Variants in GRN observed in about 807,000 individuals in gnomAD.
The protein encoded by GRN is granulin precursor, also known as progranulin.
In GRN, 30 loss-of-function variants were observed where a neutral mutation model predicts 66.7. The ratio of observed to expected loss-of-function variants is 0.45; its 90% CI spans 0.34 to 0.61. GRN has a LOEUF of 0.61. Ranked by LOEUF, GRN falls within the 20% of genes least tolerant of loss-of-function variation. The pLI is 0.01. For missense variants in GRN, 731 were observed against 803.5 expected (o/e 0.91, Z 1.09); for synonymous variants, 327 against 311.1 (o/e 1.05, Z -0.54).
Position 44,351,136 on chromosome 17 carries a change from C to T in GRN, c.808C>T (p.Leu270Phe), listed in dbSNP as rs1567887059. 1 of 1,614,142 alleles carries T rather than the reference C, an allele frequency of 6.2e-7. No homozygotes were observed. Among genetic ancestry groups the T allele is most frequent in the Non-Finnish European group, 8.5e-7 (1 of 1,180,008 alleles). ...CTCCAAGGAGAACGCTACCACGGAC[C>T]TCCTCACTAAGCTGCCTGCGCACAC... The part of the protein sequence containing the change: ...CLSKENATTD[L>F]LTKLPAHTVG... Residue 270 changes from leucine to phenylalanine, a missense_variant, in exon 8 of 13, where the codon CTC becomes TTC. Physicochemically the swap from Leu to Phe is conservative, Grantham distance 22. This residue lies in a region of GRN where 370 missense variants were observed against 379.8 expected (regional missense o/e 0.97). Coordinates refer to ENST00000053867, the MANE Select transcript of GRN (RefSeq NM_002087.4).
chr17:44,351,963 C>G, intron 10 of GRN, 52 bp from the exon 11 acceptor site: 2 of 1,512,260 alleles, frequency 1.3e-6, no homozygotes, highest in South Asian at 1.1e-5. Flanking sequence ...GGGCTCGGCA[C>G]TGCGCCCCAC....
chr17:44,350,957 A>T (rs778066666), intron 7 of GRN, 80 bp from the exon 8 acceptor site: 12 of 1,516,144 alleles, frequency 7.9e-6, no homozygotes, highest in Non-Finnish European at 1.1e-5. Context: ...GGATTGGGGC[A>T]GTGCCAGCCA....
intron 10 of GRN, 36 bp downstream of exon 10, chr17:44,351,831 G>A (rs541070759): frequency 3.1e-6 from 5 of 1,605,414 alleles, no homozygotes; most frequent in African/African-American, 2.7e-5. Context: ...GCCTGGGCAG[G>A]TGGGTGGCCA....
intron 4 of GRN, among the ~76,000 whole-genome samples, 183 bp from the exon 5 acceptor site, chr17:44,350,045 T>C (rs2048357070): frequency 6.6e-6 from 1 of 152,074 alleles, no homozygotes; most frequent in Non-Finnish European, 1.5e-5. Context: ...GCCATCTTGC[T>C]GAGGGAGGGA....
chr17:44,352,441 C>G lies in GRN; in HGVS notation c.1514C>G (p.Ala505Gly), dbSNP rs780159686. The part of the protein sequence containing the change: ...CEKEVVSAQP[A>G]TFLARSPHVG... Reference sequence around the variant, plus strand: ...AAGGAAGTGGTCTCTGCCCAGCCTGCCACCTTCCTGGCCCGTAGCCCTCAC... The same window carrying G: ...AAGGAAGTGGTCTCTGCCCAGCCTGGCACCTTCCTGGCCCGTAGCCCTCAC... Residue 505 changes from alanine to glycine, a missense_variant, in exon 12 of 13, where the codon GCC (alanine) becomes GGC (glycine). By Grantham distance (60) the Ala-to-Gly change is moderately conservative (BLOSUM62 0). This residue lies in a region of GRN where 319 missense variants were observed against 347.2 expected (regional missense o/e 0.92). Coordinates refer to ENST00000053867, the MANE Select transcript of GRN (RefSeq NM_002087.4). 5.1e-5 allele frequency: 82 copies of G among 1,613,968 alleles called. No homozygotes were observed. Among genetic ancestry groups the G allele is most frequent in the Middle Eastern group, 3.3e-4 (2 of 6,084 alleles).
chr17:44,347,576 C>T (rs751496076), intron 1 of GRN, among the ~76,000 whole-genome samples: 1 of 151,900 alleles, frequency 6.6e-6, no homozygotes, highest in African/African-American at 2.4e-5. Flanking sequence ...CGTTAGCCAC[C>T]GCGCCCAATA....
At chr17:44,346,974 A>G (rs557100573) in intron 1 of GRN, among the ~76,000 whole-genome samples, 1 of 152,110 alleles carries the variant, frequency 6.6e-6, no homozygotes, top group East Asian at 1.9e-4. Flanking sequence ...AAAATTAGCC[A>G]GGTGTGGTAG....
chr17:44,352,508 C>T lies in GRN; in HGVS notation c.1581C>T (p.Cys527=). ...TGGAGTGTGGGGAAGGACACTTCTG[C>T]CATGATAACCAGACCTGCTGCCGAG... ...KDVECGEGHF[C]HDNQTCCRDN... is the part of the protein sequence containing the mutation. Residue 527 remains cysteine (C), a synonymous_variant, in exon 12 of 13, where the codon TGC becomes TGT. Transcript: ENST00000053867. 1 of 1,614,044 alleles carries T rather than the reference C, an allele frequency of 6.2e-7. No homozygotes were observed. Among genetic ancestry groups the T allele is most frequent in the Non-Finnish European group, 8.5e-7 (1 of 1,180,022 alleles).
intron 1 of GRN, among the ~76,000 whole-genome samples, chr17:44,348,866 A>G (rs1382325928): frequency 6.6e-6 from 1 of 152,238 alleles, no homozygotes; most frequent in Non-Finnish European, 1.5e-5. Context: ...AAGCCTGCCC[A>G]GTGAGGCCCA....
chr17:44,351,037 G>T lies in GRN; in HGVS notation c.709G>T (p.Ala237Ser), dbSNP rs1412814605. Residue 237 changes from alanine (A) to serine (S), a missense_variant and splice_region_variant, in exon 8 of 13, where the codon GCC becomes TCC. Transcript: ENST00000053867. ...AAGACCCACCCCTGTCCCCACTCAGGCCACCTGCTGCTCCGATCACCTGCA... is the reference window on the plus strand; with the variant it reads ...AAGACCCACCCCTGTCCCCACTCAGTCCACCTGCTGCTCCGATCACCTGCA... ...GKYGCCPMPN[A>S]TCCSDHLHCC... The T allele has an allele frequency of 1.2e-6, 2 of 1,613,566 alleles. No homozygotes were observed. The highest frequency in any genetic ancestry group is 4.5e-5 in the East Asian group (2 of 44,890).
intron 8 of GRN, 66 bp downstream of exon 8, chr17:44,351,229 G>C: frequency 6.3e-7 from 1 of 1,591,868 alleles, no homozygotes; most frequent in South Asian, 1.1e-5. Context: ...CCTGGCCTTA[G>C]GATCACTGCA....
chr17:44,349,241 G>T lies in GRN; in HGVS notation c.77G>T (p.Cys26Phe), dbSNP rs780086363. 2 of 1,614,030 alleles carry T rather than the reference G, an allele frequency of 1.2e-6. No homozygotes were observed. The highest frequency in any genetic ancestry group is 2.2e-5 in the East Asian group (1 of 44,886). The change falls in exon 2 of 13, where the codon TGC becomes TTC. Residue 26 changes from cysteine to phenylalanine, a missense_variant. Physicochemically the swap from Cys to Phe is radical, Grantham distance 205. Around this residue, in one of 3 missense-constraint regions of GRN, gnomAD observed 370 missense variants for 379.8 expected, o/e 0.97. Transcript: ENST00000053867. ...AGTRCPDGQF[C>F]PVACCLDPGG... The stretch of plus-strand genomic sequence containing the variant: ...ACGCGGTGCCCAGATGGTCAGTTCT[G>T]CCCTGTGGCCTGCTGCCTGGACCCC...
chr17:44,350,326 T>C lies in GRN; in HGVS notation c.448T>C (p.Cys150Arg), dbSNP rs772101308. 2 of 1,592,174 alleles carry C rather than the reference T, an allele frequency of 1.3e-6. No homozygotes were observed. The highest frequency in any genetic ancestry group is 2.2e-5 in the South Asian group (2 of 90,504). ...TATGGTCGATGGCTCCTGGGGGTGCTGCCCCATGCCCCAGGTACAAATCTG... is the reference window on the plus strand; with the variant it reads ...TATGGTCGATGGCTCCTGGGGGTGCCGCCCCATGCCCCAGGTACAAATCTG... The part of the protein sequence containing the change: ...CVMVDGSWGC[C>R]PMPQASCCED... The change falls in exon 5 of 13, where the codon TGC becomes CGC. Residue 150 changes from cysteine to arginine, a missense_variant. By Grantham distance (180) the Cys-to-Arg change is radical. Around this residue, in one of 3 missense-constraint regions of GRN, gnomAD observed 370 missense variants for 379.8 expected, o/e 0.97. Coordinates refer to ENST00000053867, the MANE Select transcript of GRN (RefSeq NM_002087.4).
In GRN at chr17:44,351,557, G is replaced by C; in HGVS notation, c.941G>C (p.Cys314Ser). 1 of 1,614,068 alleles carries C rather than the reference G, an allele frequency of 6.2e-7. No individual in the cohort carries two copies. Among genetic ancestry groups the C allele is most frequent in the Non-Finnish European group, 8.5e-7 (1 of 1,179,988 alleles). The part of the protein sequence containing the change: ...WGCCPFTQAV[C>S]CEDHIHCCPA... Reference sequence around the variant, plus strand: ...CTTCTTCATCTGCCCTAGGCTGTGTGCTGTGAGGACCACATACACTGCTGT... The same window carrying C: ...CTTCTTCATCTGCCCTAGGCTGTGTCCTGTGAGGACCACATACACTGCTGT... Residue 314 changes from cysteine to serine, a missense_variant, in exon 10 of 13, where the codon TGC (cysteine) becomes TCC (serine). Transcript: ENST00000053867.
Position 44,352,515 on chromosome 17 carries a change from A to T in GRN, c.1588A>T (p.Asn530Tyr), listed in dbSNP as rs2048387662. ...ECGEGHFCHD[N>Y]QTCCRDNRQG... ...TGGGGAAGGACACTTCTGCCATGATAACCAGACCTGCTGCCGAGACAACCG... is the reference window on the plus strand; with the variant it reads ...TGGGGAAGGACACTTCTGCCATGATTACCAGACCTGCTGCCGAGACAACCG... Residue 530 changes from asparagine to tyrosine, a missense_variant, in exon 12 of 13, where the codon AAC becomes TAC. Physicochemically the swap from Asn to Tyr is moderately radical, Grantham distance 143. Transcript: ENST00000053867. 6.2e-7 allele frequency: 1 copy of T among 1,613,390 alleles called. No homozygotes were observed. Among genetic ancestry groups the T allele is most frequent in the African/African-American group, 1.3e-5 (1 of 74,704 alleles).
chr17:44,351,000 C>T (rs576913209), intron 7 of GRN, 37 bp from the exon 8 acceptor site: 2 of 1,610,152 alleles, frequency 1.2e-6, no homozygotes, highest in East Asian at 2.2e-5. Flanking sequence ...GCTACTGAGC[C>T]TGGAAGTGAC....
At chr17:44,346,570 T>C (rs910695570) in intron 1 of GRN, among the ~76,000 whole-genome samples, 4 of 152,066 alleles carry the variant, frequency 2.6e-5, no homozygotes, top group African/African-American at 4.8e-5. Flanking sequence ...GTTGCACCAT[T>C]CCCAGGCACT....
In GRN at chr17:44,349,272, A is replaced by G. The variant is rs1190848176; in HGVS notation, c.108A>G (p.Gly36=). 6.2e-7 allele frequency: 1 copy of G among 1,613,884 alleles called. No individual in the cohort carries two copies. The highest frequency in any genetic ancestry group is 1.1e-5 in the South Asian group (1 of 91,076). Residue 36 remains glycine, a synonymous_variant, in exon 2 of 13, where the codon GGA becomes GGG. Transcript: ENST00000053867. ...CPVACCLDPG[G]ASYSCCRPLL... ...TGGCCTGCTGCCTGGACCCCGGAGGAGCCAGCTACAGCTGCTGCCGTCCCC... is the reference window on the plus strand; with the variant it reads ...TGGCCTGCTGCCTGGACCCCGGAGGGGCCAGCTACAGCTGCTGCCGTCCCC...
chr17:44,350,938 C>G lies in GRN; in HGVS notation c.709-99C>G, dbSNP rs948235193. The stretch of plus-strand genomic sequence containing the variant: ...GGCTGATGCAGGGTTCATGCTACCC[C>G]CTAGTGGGGGATTGGGGCAGTGCCA... On this transcript the variant is annotated intron_variant, in intron 7 of 12. Coordinates refer to ENST00000053867, the MANE Select transcript of GRN (RefSeq NM_002087.4). 35 of 1,458,172 alleles carry G rather than the reference C, an allele frequency of 2.4e-5. No individual in the cohort carries two copies. In the African/African-American group the frequency reaches 3.9e-4, roughly 16 times the overall value. 90.3% of individuals were successfully genotyped at this position (1,458,172 alleles called of 1,614,324 possible). A position where few individuals can be genotyped will look rare whatever the true frequency, so the allele number is the denominator to read the frequency against.
Sources: gnomAD v4.1 joint callset for allele counts (sites outside exome capture counted in the v4.1 genomes callset) on GRCh38, gnomAD v4.1.1 for gene constraint, gnomAD v4.1.1 regional missense constraint, MANE v1.5 for transcripts, NCBI Gene and HGNC (gene_info 2026-07-23, HGNC 2026-07-21) for gene names.